Variants in GPHN observed in about 807,000 individuals in gnomAD.
The protein encoded by GPHN is gephyrin.
A neutral mutation model predicts 95.5 loss-of-function variants in GPHN; 17 were observed. The observed-to-expected ratio is 0.18, with a 90% confidence interval of 0.12 to 0.27. The LOEUF (loss-of-function observed/expected upper bound fraction) is 0.27, where lower values mean the gene tolerates loss of function less well. GPHN is among the 10% of genes least tolerant of loss of function. GPHN has a pLI of 1.00. For synonymous variants in GPHN, 320 were observed against 322.5 expected, an observed-to-expected ratio of 0.99 and a Z score of 0.08; for missense variants, 660 against 978.1, an observed-to-expected ratio of 0.67 and a Z score of 4.34.
the GPHN span, among the ~76,000 whole-genome samples, chr14:67,466,458 G>T: frequency 6.6e-6 from 1 of 152,346 alleles, no homozygotes; most frequent in Admixed American, 6.5e-5. Context: ...GCTGCTCTAT[G>T]GTGGTGGGCA....
At chr14:66,591,590 A>G (rs1175046208) in intron 1 of GPHN, among the ~76,000 whole-genome samples, 3 of 152,168 alleles carry the variant, frequency 2.0e-5, no homozygotes, top group Non-Finnish European at 4.4e-5. Flanking sequence ...TAAGAATACA[A>G]CTTACAAGGG....
the GPHN span, among the ~76,000 whole-genome samples, chr14:67,240,133 C>T: frequency 2.0e-5 from 3 of 152,140 alleles, no homozygotes; most frequent in African/African-American, 2.4e-5. Context: ...TTCTGTCCTC[C>T]GCTCTGTCTT....
the GPHN span, chr14:67,584,039 G>A: frequency 2.0e-5 from 33 of 1,613,994 alleles, no homozygotes; most frequent in African/African-American, 4.1e-4. Flanking sequence ...ACATTGCAAG[G>A]ATGCTCCCCT....
intron 8 of GPHN, among the ~76,000 whole-genome samples, chr14:66,930,585 G>T (rs1596406450): frequency 6.7e-6 from 1 of 149,772 alleles, no homozygotes; most frequent in South Asian, 2.1e-4. Flanking sequence ...GAGTGTAATG[G>T]TATAATCACG....
intron 12 of GPHN, among the ~76,000 whole-genome samples, chr14:67,096,599 G>T (rs2077404965): frequency 6.7e-6 from 1 of 150,286 alleles, no homozygotes; most frequent in African/African-American, 2.4e-5. Flanking sequence ...AAGTTATACA[G>T]AATTAATCAA....
the GPHN span, chr14:67,678,531 A>G: frequency 1.5e-6 from 1 of 679,348 alleles, no homozygotes; most frequent in Admixed American, 2.3e-5. Context: ...CATGTTCTCC[A>G]TGTACTTCAC....
chr14:66,646,568 T>A (rs1174653035), intron 1 of GPHN, among the ~76,000 whole-genome samples: 1 of 152,002 alleles, frequency 6.6e-6, no homozygotes, highest in East Asian at 1.9e-4. Flanking sequence ...AATATATATA[T>A]AAAATAGATA....
At chr14:67,440,115 C>A in the GPHN span, among the ~76,000 whole-genome samples, 2 of 152,152 alleles carry the variant, frequency 1.3e-5, no homozygotes, top group Non-Finnish European at 2.9e-5. Context: ...GGATTACAGG[C>A]GTGAGTTACC....
chr14:67,579,340 G>A, the GPHN span: 120 of 1,455,558 alleles, frequency 8.2e-5, no homozygotes, highest in Non-Finnish European at 1.0e-4. Context: ...TCTTTGCCCC[G>A]AGTCTTCTCA....
the GPHN span, chr14:67,352,902 T>G: frequency 6.5e-7 from 1 of 1,532,874 alleles, no homozygotes; most frequent in Non-Finnish European, 9.0e-7. Context: ...TAAATACTAT[T>G]CTAAGAAAAG....
chr14:66,919,733 G>A (rs894669841), intron 6 of GPHN, among the ~76,000 whole-genome samples: 3 of 152,036 alleles, frequency 2.0e-5, no homozygotes, highest in Non-Finnish European at 4.4e-5. Context: ...TTTCTGCATG[G>A]AAGGCCCCCA....
chr14:66,655,354 T>G (rs2065247628), intron 1 of GPHN, among the ~76,000 whole-genome samples: 1 of 151,148 alleles, frequency 6.6e-6, no homozygotes, highest in East Asian at 1.9e-4. Context: ...CCTATTTCAT[T>G]TTTTTTAAGC....
the GPHN span, among the ~76,000 whole-genome samples, chr14:67,601,839 C>T: frequency 6.6e-6 from 1 of 151,298 alleles, no homozygotes; most frequent in Non-Finnish European, 1.5e-5. Context: ...GAGTTCAAGA[C>T]CAGCCTGGGC....
the GPHN span, among the ~76,000 whole-genome samples, chr14:67,492,149 C>T: frequency 6.6e-6 from 1 of 152,162 alleles, no homozygotes; most frequent in African/African-American, 2.4e-5. Flanking sequence ...ACTGAGCAAA[C>T]CCTGACCACC....
intron 1 of GPHN, among the ~76,000 whole-genome samples, chr14:66,585,367 G>GT (rs2061377483): frequency 6.6e-6 from 1 of 151,982 alleles, no homozygotes; most frequent in African/African-American, 2.4e-5. Flanking sequence ...TTTTTGAAGC[G>GT]TTTTTTGTGT....
intron 2 of GPHN, among the ~76,000 whole-genome samples, chr14:66,758,555 C>T (rs1231822546): frequency 6.6e-6 from 1 of 152,118 alleles, no homozygotes; most frequent in Admixed American, 6.5e-5. Flanking sequence ...AAGAGAGAAA[C>T]TGGGTTATTA....
chr14:67,573,443 CTA>C, the GPHN span: 1 of 1,099,326 alleles, frequency 9.1e-7, no homozygotes, highest in Non-Finnish European at 1.4e-6. This position sits in a 1 kb window ranked among gnomAD's most constrained non-coding sequence, Gnocchi z 4.8. Context: ...ACACCCTGGA[CTA>C]TGTCAGATGG....
At chr14:67,442,675 A>G in the GPHN span, among the ~76,000 whole-genome samples, 1 of 152,206 alleles carries the variant, frequency 6.6e-6, no homozygotes. Context: ...GTTCAGGGAC[A>G]GCAAAGGTAA....
chr14:66,799,150 A>G (rs1230183635), intron 3 of GPHN, among the ~76,000 whole-genome samples: 1 of 151,852 alleles, frequency 6.6e-6, no homozygotes, highest in African/African-American at 2.4e-5. Flanking sequence ...ATTGATTTCT[A>G]GTTTTATTTC....
Sources: allele counts gnomAD v4.1 joint callset (sites outside exome capture counted in the v4.1 genomes callset), GRCh38; gene constraint gnomAD v4.1.1; non-coding constraint Gnocchi (gnomAD v3.1); transcripts MANE v1.5; gene names NCBI Gene and HGNC (gene_info 2026-07-23, HGNC 2026-07-21).